SIAH3: variants seen among roughly 807,000 people sequenced by gnomAD.
The protein encoded by SIAH3 is seven in absentia homolog 3.
In SIAH3, 9 loss-of-function variants were observed where a neutral mutation model predicts 12.6. The observed-to-expected ratio is 0.72, with a 90% confidence interval of 0.43 to 1.25. The LOEUF (loss-of-function observed/expected upper bound fraction) is 1.25. Among genes scored for constraint, SIAH3 ranks in the 50% most tolerant of loss-of-function variants. The probability of loss-of-function intolerance (pLI) is 0.00; values close to 1 mark genes in which losing one functional copy is unlikely to be tolerated. For missense variants in SIAH3, 390 were observed against 365.4 expected (o/e 1.07, Z -0.55); for synonymous variants, 154 against 151.1 (o/e 1.02, Z -0.14).
At chr13:45,806,170 T>G (rs1427435040) in intron 1 of SIAH3, among the ~76,000 whole-genome samples, 1 of 152,110 alleles carries the variant, frequency 6.6e-6, no homozygotes, top group Non-Finnish European at 1.5e-5. Flanking sequence ...ATTTCTCAAA[T>G]AATTTAAAAC....
Position 45,851,711 on chromosome 13 carries a change from T to G in SIAH3, c.-82A>C. On this transcript the variant is annotated 5_prime_UTR_variant, in exon 1 of 2. Coordinates refer to ENST00000400405, the MANE Select transcript of SIAH3 (RefSeq NM_198849.3). ...TGGGCCCTGGAAGGAGCGCAGCCTCTGAGACACTCCGCTCCAGCCCGGCTT... is the reference window on the plus strand; with the variant it reads ...TGGGCCCTGGAAGGAGCGCAGCCTCGGAGACACTCCGCTCCAGCCCGGCTT... 2 of 1,570,072 alleles carry G rather than the reference T, an allele frequency of 1.3e-6. No homozygotes were observed. Among genetic ancestry groups the G allele is most frequent in the South Asian group, 2.3e-5 (2 of 88,264 alleles).
chr13:45,830,630 A>G (rs576820167), intron 1 of SIAH3, among the ~76,000 whole-genome samples: 1 of 152,334 alleles, frequency 6.6e-6, no homozygotes, highest in East Asian at 1.9e-4. Flanking sequence ...AGCCCTCTTC[A>G]CTGGTGCTTA....
chr13:45,830,966 G>A (rs950914199), intron 1 of SIAH3, among the ~76,000 whole-genome samples: 2 of 152,074 alleles, frequency 1.3e-5, no homozygotes, highest in Non-Finnish European at 2.9e-5. Context: ...ATCACCTGAG[G>A]TTAGGAGCTC....
rs775864255 is a variant in SIAH3, at chr13:45,783,880, A to T, written c.313T>A (p.Cys105Ser). ...GAGAACAAGGGACACATGCACAGGC[A>T]GGGCGTCACCGGGTTGGCGTGCAGC... ...AGLHANPVTP[C>S]LCMCPLFSCQ... The change falls in exon 2 of 2, where the codon TGC becomes AGC. Residue 105 changes from cysteine (C) to serine (S), a missense_variant. Cys to Ser is a moderately radical substitution (Grantham distance 112). Transcript: ENST00000400405. 2.5e-6 allele frequency: 4 copies of T among 1,613,184 alleles called. No homozygotes were observed. The African/African-American group carries it at 5.3e-5, about 22-fold the overall frequency.
chr13:45,811,307 A>T (rs1313893717), intron 1 of SIAH3, among the ~76,000 whole-genome samples: 1 of 152,060 alleles, frequency 6.6e-6, no homozygotes, highest in Non-Finnish European at 1.5e-5. Flanking sequence ...TGATATTTGT[A>T]CTCTGGCCAT....
At chr13:45,815,864 G>A (rs778179444) in intron 1 of SIAH3, among the ~76,000 whole-genome samples, 3 of 152,194 alleles carry the variant, frequency 2.0e-5, no homozygotes, top group Non-Finnish European at 4.4e-5. Flanking sequence ...GCCGACAGAG[G>A]CCGTTAAGGT....
At chr13:45,831,179 AAAAT>A (rs200362215) in intron 1 of SIAH3, among the ~76,000 whole-genome samples, 39,619 of 142,436 alleles carry the variant, frequency 0.28, 5,945 homozygotes, top group East Asian at 0.47. Flanking sequence ...ACTGTGCCTC[AAAAT>A]AAATAAATAA....
chr13:45,788,073 C>T (rs868204296), intron 1 of SIAH3, among the ~76,000 whole-genome samples: 12 of 152,284 alleles, frequency 7.9e-5, no homozygotes, highest in African/African-American at 9.6e-5. Flanking sequence ...TAGAGTGGGA[C>T]GTGATACACT....
intron 1 of SIAH3, among the ~76,000 whole-genome samples, chr13:45,846,581 A>G (rs1221068648): frequency 6.6e-6 from 1 of 152,156 alleles, no homozygotes; most frequent in African/African-American, 2.4e-5. Context: ...CTTGTTGTTA[A>G]TTGCTAGGAA....
At chr13:45,813,941 A>C (rs1168092430) in intron 1 of SIAH3, among the ~76,000 whole-genome samples, 3 of 152,152 alleles carry the variant, frequency 2.0e-5, no homozygotes, top group Non-Finnish European at 4.4e-5. Context: ...TGGGGTGATA[A>C]AAAATACAGT....
intron 1 of SIAH3, among the ~76,000 whole-genome samples, chr13:45,798,406 G>A (rs9595387): frequency 0.38 from 57,499 of 152,030 alleles, 11,513 homozygotes; most frequent in African/African-American, 0.46. Flanking sequence ...AAAATGGTGA[G>A]CAGATCACAT....
intron 1 of SIAH3, among the ~76,000 whole-genome samples, chr13:45,822,088 C>T (rs11618124): frequency 0.21 from 31,954 of 151,966 alleles, 3,956 homozygotes; most frequent in East Asian, 0.6. Flanking sequence ...CAGAGTGTCT[C>T]AGAGAAATCT....
At chr13:45,801,074 A>G (rs1950580169) in intron 1 of SIAH3, among the ~76,000 whole-genome samples, 1 of 102,934 alleles carries the variant, frequency 9.7e-6, no homozygotes, top group African/African-American at 3.9e-5. Flanking sequence ...TATGCTGGAC[A>G]CTGGGTGAAG....
chr13:45,801,433 A>C (rs969404961), intron 1 of SIAH3, among the ~76,000 whole-genome samples: 2 of 152,186 alleles, frequency 1.3e-5, no homozygotes, highest in Non-Finnish European at 2.9e-5. Context: ...CTAAGTAAGG[A>C]AGGTGCAATC....
chr13:45,839,540 C>G (rs977108680), intron 1 of SIAH3, among the ~76,000 whole-genome samples: 1 of 152,152 alleles, frequency 6.6e-6, no homozygotes, highest in African/African-American at 2.4e-5. Flanking sequence ...GTATACAAAC[C>G]ATAATTTTTA....
At chr13:45,840,940 G>A (rs7330160) in intron 1 of SIAH3, among the ~76,000 whole-genome samples, 6,824 of 152,260 alleles carry the variant, frequency 0.045, 531 homozygotes, top group African/African-American at 0.16. Flanking sequence ...GTATAATGGA[G>A]AATGATAACA....
intron 1 of SIAH3, among the ~76,000 whole-genome samples, chr13:45,807,045 A>T (rs1950600633): frequency 6.6e-6 from 1 of 152,210 alleles, no homozygotes; most frequent in Non-Finnish European, 1.5e-5. Flanking sequence ...CAAATCAATA[A>T]TTTTCACACT....
intron 1 of SIAH3, among the ~76,000 whole-genome samples, chr13:45,821,768 G>C (rs562781683): frequency 1.3e-5 from 2 of 152,322 alleles, no homozygotes; most frequent in South Asian, 4.1e-4. Context: ...AAATCAATGA[G>C]AGTGGGGCCA....
chr13:45,811,195 G>A (rs1368594633), intron 1 of SIAH3, among the ~76,000 whole-genome samples: 1 of 152,216 alleles, frequency 6.6e-6, no homozygotes, highest in African/African-American at 2.4e-5. Context: ...CTGGGACACA[G>A]TAGTTGGTAA....
Sources: allele counts gnomAD v4.1 joint callset (sites outside exome capture counted in the v4.1 genomes callset), GRCh38; gene constraint gnomAD v4.1.1; transcripts MANE v1.5; gene names NCBI Gene and HGNC (gene_info 2026-07-23, HGNC 2026-07-21).